The following ANKRD6 variants were observed in gnomAD, a reference collection of about 807,000 sequenced individuals.
ANKRD6 encodes ankyrin repeat domain 6.
Under a neutral mutation model 82.3 loss-of-function variants are expected in ANKRD6, and 56 were observed. That is an observed-to-expected ratio of 0.68 (90% CI 0.55 to 0.85). The LOEUF (loss-of-function observed/expected upper bound fraction) is 0.85. Ranked by LOEUF, ANKRD6 falls within the 40% of genes least tolerant of loss-of-function variation. The pLI is 0.00. For missense variants in ANKRD6, 852 were observed against 907.6 expected (o/e 0.94, Z 0.79); for synonymous variants, 347 against 352.1 (o/e 0.99, Z 0.16).
intron 1 of ANKRD6, among the ~76,000 whole-genome samples, chr6:89,449,539 G>T (rs548399122): frequency 6.6e-6 from 1 of 152,318 alleles, no homozygotes; most frequent in Non-Finnish European, 1.5e-5. Flanking sequence ...GATAAAGACT[G>T]TCTCAAAGAC....
intron 1 of ANKRD6, among the ~76,000 whole-genome samples, chr6:89,554,446 C>CTTTT (rs11484125): frequency 4.0e-5 from 6 of 149,526 alleles, no homozygotes; most frequent in Admixed American, 3.3e-4. Flanking sequence ...TTAATCACGT[C>CTTTT]TTTTTTTTTT....
In ANKRD6 at chr6:89,624,519, C is replaced by G; in HGVS notation, c.1219-20C>G. On this transcript the variant is annotated intron_variant, in intron 12 of 15. Transcript: ENST00000339746. ...GAAGGAATGAACAAGGGATTGATTCCTTTTTTGTTTCTCTCTTAGGCACCA... is the reference window on the plus strand; with the variant it reads ...GAAGGAATGAACAAGGGATTGATTCGTTTTTTGTTTCTCTCTTAGGCACCA... 4 of 1,551,552 alleles carry G rather than the reference C, an allele frequency of 2.6e-6. No homozygotes were observed. The highest frequency in any genetic ancestry group is 3.5e-6 in the Non-Finnish European group (4 of 1,146,786).
chr6:89,622,953 AT>A (rs1347090169), intron 10 of ANKRD6, among the ~76,000 whole-genome samples: 2 of 127,876 alleles, frequency 1.6e-5, no homozygotes, highest in Non-Finnish European at 3.1e-5. Flanking sequence ...GAAATATGAT[AT>A]TTTTTCATTT....
chr6:89,509,888 A>C (rs940473392), intron 1 of ANKRD6, among the ~76,000 whole-genome samples: 27 of 152,226 alleles, frequency 1.8e-4, no homozygotes, highest in African/African-American at 6.3e-4. Context: ...TTCACAATCC[A>C]TGTTCTTAAC....
chr6:89,599,180 C>T (rs1339986195), intron 3 of ANKRD6, among the ~76,000 whole-genome samples: 1 of 152,128 alleles, frequency 6.6e-6, no homozygotes, highest in East Asian at 1.9e-4. Flanking sequence ...GGAGACCAGC[C>T]TGGGCAACAT....
chr6:89,606,367 G>A (rs755366573), intron 5 of ANKRD6, among the ~76,000 whole-genome samples: 1 of 152,128 alleles, frequency 6.6e-6, no homozygotes, highest in Non-Finnish European at 1.5e-5. Context: ...ATCTACATGC[G>A]ATTACTGTCC....
At chr6:89,493,702 C>T (rs541663646) in intron 1 of ANKRD6, among the ~76,000 whole-genome samples, 3 of 152,258 alleles carry the variant, frequency 2.0e-5, no homozygotes, top group South Asian at 2.1e-4. Context: ...AGGTGTGAGC[C>T]GCCACGCCCA....
chr6:89,600,723 C>T (rs1261801821), intron 3 of ANKRD6, among the ~76,000 whole-genome samples: 1 of 152,126 alleles, frequency 6.6e-6, no homozygotes, highest in African/African-American at 2.4e-5. Context: ...TCTTGGAAAT[C>T]TTACGGAAAT....
chr6:89,580,111 T>C (rs1277786706), intron 2 of ANKRD6, among the ~76,000 whole-genome samples: 1 of 152,182 alleles, frequency 6.6e-6, no homozygotes, highest in Admixed American at 6.5e-5. Context: ...ATATTTTGTT[T>C]GTGGGGTTGG....
intron 1 of ANKRD6, chr6:89,478,514 C>A (rs1776355920): frequency 6.6e-6 from 1 of 152,006 alleles, no homozygotes; most frequent in Admixed American, 6.6e-5. Flanking sequence ...GGGCGGATCA[C>A]CTGAGGTCAG....
intron 1 of ANKRD6, among the ~76,000 whole-genome samples, chr6:89,507,958 TC>T (rs1238999462): frequency 1.3e-5 from 2 of 152,068 alleles, no homozygotes; most frequent in African/African-American, 4.8e-5. Context: ...CCTACACTTT[TC>T]CCCCCAAGTT....
chr6:89,568,932 ATT>A (rs58909289), intron 2 of ANKRD6, among the ~76,000 whole-genome samples: 44,820 of 141,800 alleles, frequency 0.32, 7,213 homozygotes, highest in South Asian at 0.59. Context: ...TATATATATA[ATT>A]TTTTTTTTTT....
intron 1 of ANKRD6, among the ~76,000 whole-genome samples, chr6:89,537,215 T>C (rs906388353): frequency 6.6e-6 from 1 of 152,200 alleles, no homozygotes; most frequent in African/African-American, 2.4e-5. Flanking sequence ...TACAATACAA[T>C]TTATGGTATA....
chr6:89,602,845 G>A (rs188586115), intron 3 of ANKRD6, 184 bp from the exon 4 acceptor site: 6 of 538,326 alleles, frequency 1.1e-5, no homozygotes, highest in East Asian at 5.8e-5. Context: ...CTCTGCCAGC[G>A]TGCGTTGTCT....
At chr6:89,583,858 C>T (rs1302371928) in intron 2 of ANKRD6, among the ~76,000 whole-genome samples, 1 of 152,232 alleles carries the variant, frequency 6.6e-6, no homozygotes, top group East Asian at 1.9e-4. Context: ...CCCCCTGCTT[C>T]TCTCCTCAAC....
intron 1 of ANKRD6, among the ~76,000 whole-genome samples, chr6:89,462,662 A>G (rs1774327319): frequency 6.6e-6 from 1 of 152,148 alleles, no homozygotes; most frequent in African/African-American, 2.4e-5. Flanking sequence ...TATTTAATAT[A>G]TTGCATTTTG....
chr6:89,566,092 A>G (rs1788460541), intron 1 of ANKRD6, among the ~76,000 whole-genome samples: 2 of 152,218 alleles, frequency 1.3e-5, no homozygotes, highest in Admixed American at 1.3e-4. Flanking sequence ...TTAGTGTTCC[A>G]TAGGTGGTTT....
At chr6:89,528,426 A>G (rs566862075) in intron 1 of ANKRD6, among the ~76,000 whole-genome samples, 1 of 152,330 alleles carries the variant, frequency 6.6e-6, no homozygotes, top group Admixed American at 6.5e-5. Flanking sequence ...TTATCATGAG[A>G]TTATAGCAAT....
rs1180298870 is a variant in ANKRD6, at chr6:89,630,813, C to T, written c.1993C>T (p.Leu665=). ...GPHIRDTSQA[L]ELTQYFFEAV... The stretch of plus-strand genomic sequence containing the variant: ...TCACATTCGGGACACCTCCCAAGCT[C>T]TGGAGCTTACCCAGTATTTTTTTGA... The change falls in exon 16 of 16, where the codon CTG becomes TTG. Residue 665 remains leucine (L), a synonymous_variant. Coordinates refer to ENST00000339746, the MANE Select transcript of ANKRD6 (RefSeq NM_001242809.2). 3 of 1,613,864 alleles carry T rather than the reference C, an allele frequency of 1.9e-6. No individual in the cohort carries two copies. The highest frequency in any genetic ancestry group is 2.5e-6 in the Non-Finnish European group (3 of 1,179,908).
Sources: allele counts gnomAD v4.1 joint callset (sites outside exome capture counted in the v4.1 genomes callset), GRCh38; gene constraint gnomAD v4.1.1; transcripts MANE v1.5; gene names NCBI Gene and HGNC (gene_info 2026-07-23, HGNC 2026-07-21).